TAF4B: variants seen among roughly 807,000 people sequenced by gnomAD.
The protein encoded by TAF4B is transcription initiation factor TFIID subunit 4B.
Under a neutral mutation model 86.4 loss-of-function variants are expected in TAF4B, and 38 were observed. That is an observed-to-expected ratio of 0.44 (90% CI 0.34 to 0.58). The LOEUF is 0.58. TAF4B is among the 20% of genes least tolerant of loss of function. The probability of loss-of-function intolerance (pLI) is 0.02; values close to 1 mark genes in which losing one functional copy is unlikely to be tolerated. For synonymous variants in TAF4B, 388 were observed against 391.2 expected (o/e 0.99, Z 0.10); for missense variants, 988 against 1,027.6 (o/e 0.96, Z 0.53).
At chr18:26,317,027 T>G (rs74858045) in intron 10 of TAF4B, among the ~76,000 whole-genome samples, 2 of 33,212 alleles carry the variant, frequency 6.0e-5, no homozygotes, top group Non-Finnish European at 2.0e-4. Flanking sequence ...TCCCTTCCGA[T>G]TTTTTTTTTT....
chr18:26,272,393 C>G (rs1426681449), intron 3 of TAF4B, among the ~76,000 whole-genome samples: 4 of 152,150 alleles, frequency 2.6e-5, no homozygotes, highest in Non-Finnish European at 5.9e-5. Context: ...CAGACCTATA[C>G]CCGCCCGCGG....
intron 7 of TAF4B, among the ~76,000 whole-genome samples, chr18:26,287,328 A>G (rs757547051): frequency 9.9e-5 from 15 of 151,986 alleles, no homozygotes; most frequent in Non-Finnish European, 1.8e-4. Context: ...ATACTTCTCT[A>G]GCTTTTTGTG....
At position 26,335,172 on chromosome 18, in the gene TAF4B, T is replaced by C; in HGVS notation, c.2260-3T>C. The C allele has an allele frequency of 6.2e-7, 1 of 1,611,234 alleles. No individual in the cohort carries two copies. The highest frequency in any genetic ancestry group is 8.5e-7 in the Non-Finnish European group (1 of 1,177,736). ...CTATTAAAATTTTCTTTTCCTTTGA[T>C]AGAGTCGTTCTAATAAAGAAGATCC... On this transcript the variant is annotated splice_polypyrimidine_tract_variant and splice_region_variant and intron_variant, in intron 12 of 14. Coordinates refer to ENST00000269142, the MANE Select transcript of TAF4B (RefSeq NM_005640.3).
rs749320943 is a variant in TAF4B, at chr18:26,308,160, G to A, written c.1833-7069G>A. Among the ~76,000 whole-genome samples the A allele has an allele frequency of 8.6e-5, 13 of 152,030 alleles. No individual in the cohort carries two copies. In the East Asian group the frequency reaches 2.5e-3, roughly 29 times the overall value. ...TCCTAGCTACTTGGGAGGCTGAGGC[G>A]GGAGAATGACCTGAGCTCCGGAAGT... On this transcript the variant is annotated intron_variant, in intron 9 of 14. Coordinates refer to ENST00000269142, the MANE Select transcript of TAF4B (RefSeq NM_005640.3).
intron 1 of TAF4B, among the ~76,000 whole-genome samples, chr18:26,231,034 CTTTTTTTTTTT>C (rs536863843): frequency 8.0e-4 from 53 of 66,168 alleles, no homozygotes; most frequent in African/African-American, 2.9e-3. Flanking sequence ...TGTTGTTTTG[CTTTTTTTTTTT>C]TTTTTTTTTT....
chr18:26,287,671 C>G (rs914154807), intron 7 of TAF4B, among the ~76,000 whole-genome samples: 2 of 152,154 alleles, frequency 1.3e-5, no homozygotes, highest in African/African-American at 2.4e-5. Context: ...TCCTTGTTCT[C>G]TTTTGTAATG....
intron 5 of TAF4B, among the ~76,000 whole-genome samples, chr18:26,280,824 A>G (rs1318973402): frequency 1.3e-5 from 2 of 152,194 alleles, no homozygotes; most frequent in Admixed American, 1.3e-4. Flanking sequence ...AAAATAAATC[A>G]TTCTATAAAA....
At chr18:26,260,481 G>A (rs1415296203) in intron 1 of TAF4B, among the ~76,000 whole-genome samples, 1 of 152,160 alleles carries the variant, frequency 6.6e-6, no homozygotes, top group Non-Finnish European at 1.5e-5. Context: ...AAGGGATCCA[G>A]TTTCAGCTTT....
At chr18:26,330,546 C>T (rs1044309782) in intron 12 of TAF4B, among the ~76,000 whole-genome samples, 4 of 152,106 alleles carry the variant, frequency 2.6e-5, no homozygotes, top group African/African-American at 7.2e-5. Context: ...ATACTCATTG[C>T]TAAAAGGGTG....
intron 13 of TAF4B, 152 bp downstream of exon 13, chr18:26,335,383 T>C: frequency 3.1e-6 from 2 of 650,626 alleles, no homozygotes; most frequent in Middle Eastern, 2.5e-4. Flanking sequence ...AGGGCAGTAC[T>C]TCAAATGAGG....
intron 10 of TAF4B, 114 bp downstream of exon 10, chr18:26,315,512 T>G (rs1235840290): frequency 3.7e-5 from 24 of 652,340 alleles, no homozygotes; most frequent in Admixed American, 1.3e-4. Flanking sequence ...TAAATAAGAT[T>G]CTAGAAATAA....
intron 13 of TAF4B, among the ~76,000 whole-genome samples, chr18:26,355,523 A>G (rs2057281983): frequency 6.6e-6 from 1 of 152,224 alleles, no homozygotes; most frequent in South Asian, 2.1e-4. Context: ...GCTTGTTATA[A>G]ATACAGGGCC....
intron 13 of TAF4B, among the ~76,000 whole-genome samples, chr18:26,340,397 G>T (rs1186225550): frequency 6.6e-6 from 1 of 152,126 alleles, no homozygotes; most frequent in Non-Finnish European, 1.5e-5. Flanking sequence ...ACTGGACAGG[G>T]ACAAATGAAA....
intron 13 of TAF4B, among the ~76,000 whole-genome samples, chr18:26,345,862 T>A (rs573290691): frequency 7.0e-4 from 107 of 152,308 alleles, no homozygotes; most frequent in South Asian, 2.9e-3. Context: ...AGAAAAAGAA[T>A]TCAGAATAAT....
intron 13 of TAF4B, among the ~76,000 whole-genome samples, chr18:26,347,579 G>A (rs1311835208): frequency 6.6e-6 from 1 of 152,198 alleles, no homozygotes; most frequent in Non-Finnish European, 1.5e-5. Context: ...ACACCTATCA[G>A]TAATAATCCT....
chr18:26,330,051 A>G (rs943123711), intron 12 of TAF4B, among the ~76,000 whole-genome samples: 15 of 152,152 alleles, frequency 9.9e-5, no homozygotes, highest in Non-Finnish European at 4.4e-5. Context: ...AGTTTTTCAT[A>G]GGACGGCATT....
chr18:26,317,015 C>A (rs1022304317), intron 10 of TAF4B, among the ~76,000 whole-genome samples: 12 of 146,850 alleles, frequency 8.2e-5, no homozygotes, highest in Non-Finnish European at 1.5e-4. Context: ...TATCGGTCAC[C>A]CTCCCTTCCG....
intron 13 of TAF4B, among the ~76,000 whole-genome samples, chr18:26,342,570 A>C (rs2057144977): frequency 6.6e-6 from 1 of 152,188 alleles, no homozygotes; most frequent in Non-Finnish European, 1.5e-5. Flanking sequence ...TGTGATCTTC[A>C]AAGTAATTTC....
At chr18:26,265,715 C>T (rs900401182) in intron 2 of TAF4B, among the ~76,000 whole-genome samples, 2 of 152,166 alleles carry the variant, frequency 1.3e-5, no homozygotes, top group Non-Finnish European at 2.9e-5. Flanking sequence ...CTGCATACCA[C>T]CATGCCCGAC....
Sources: allele counts gnomAD v4.1 joint callset (sites outside exome capture counted in the v4.1 genomes callset), GRCh38; gene constraint gnomAD v4.1.1; transcripts MANE v1.5; gene names NCBI Gene and HGNC (gene_info 2026-07-23, HGNC 2026-07-21).